Variants in SGCD observed in about 807,000 individuals in gnomAD.
SGCD encodes delta-sarcoglycan.
A neutral mutation model predicts 36.6 loss-of-function variants in SGCD; 18 were observed. The observed-to-expected ratio is 0.49, with a 90% CI of 0.34 to 0.73. SGCD has a LOEUF of 0.73. Among genes scored for constraint, SGCD ranks in the 30% least tolerant of loss-of-function variants. SGCD has a pLI of 0.01. For missense variants in SGCD, 387 were observed against 346.7 expected (o/e 1.12, Z -0.92); for synonymous variants, 133 against 130.6 (o/e 1.02, Z -0.12).
chr5:156,142,626 A>G (rs1488222542), intron 3 of SGCD, among the ~76,000 whole-genome samples: 1 of 152,228 alleles, frequency 6.6e-6, no homozygotes, highest in Non-Finnish European at 1.5e-5. Context: ...CACTTTTGCT[A>G]TGCATTAGTA....
chr5:156,411,012 A>C (rs542042513), intron 3 of SGCD, among the ~76,000 whole-genome samples: 244 of 152,346 alleles, frequency 1.6e-3, no homozygotes, highest in Non-Finnish European at 3.1e-3. Context: ...TATTGTATAA[A>C]TGCACGACTT....
intron 1 of SGCD, among the ~76,000 whole-genome samples, chr5:156,105,175 C>A (rs1761615508): frequency 1.3e-5 from 2 of 152,098 alleles, no homozygotes; most frequent in South Asian, 4.1e-4. Context: ...ATGTTAGTTG[C>A]CTCTCTTCCT....
At chr5:156,385,998 C>T (rs984890830) in intron 3 of SGCD, among the ~76,000 whole-genome samples, 2 of 152,208 alleles carry the variant, frequency 1.3e-5, no homozygotes, top group Non-Finnish European at 2.9e-5. Flanking sequence ...AGAGAGTGAA[C>T]TCTGAATCCT....
chr5:156,588,288 A>G (rs1760577925), intron 4 of SGCD, among the ~76,000 whole-genome samples: 1 of 152,122 alleles, frequency 6.6e-6, no homozygotes, highest in Non-Finnish European at 1.5e-5. Flanking sequence ...CAAAACACAA[A>G]AAGAATATCT....
intron 2 of SGCD, among the ~76,000 whole-genome samples, chr5:156,334,970 G>A (rs909343455): frequency 5.3e-5 from 8 of 152,226 alleles, no homozygotes; most frequent in East Asian, 1.9e-4. Context: ...GAGAAAACCC[G>A]GCCTGAGTTT....
chr5:156,712,437 A>G (rs1423858213), intron 7 of SGCD, among the ~76,000 whole-genome samples: 2 of 152,238 alleles, frequency 1.3e-5, no homozygotes, highest in African/African-American at 4.8e-5. Context: ...TATTCAAAAA[A>G]TTAAAGTTTA....
intron 3 of SGCD, among the ~76,000 whole-genome samples, chr5:156,235,446 A>C (rs1458315889): frequency 6.6e-6 from 1 of 152,218 alleles, no homozygotes; most frequent in East Asian, 1.9e-4. Flanking sequence ...ACTTGCCAAT[A>C]GCACAGGAAG....
At chr5:155,989,685 A>G (rs1032669733) in intron 1 of SGCD, among the ~76,000 whole-genome samples, 3 of 152,202 alleles carry the variant, frequency 2.0e-5, no homozygotes, top group Non-Finnish European at 2.9e-5. Context: ...TAAATAATAT[A>G]GCTTTCAATA....
intron 1 of SGCD, among the ~76,000 whole-genome samples, chr5:156,022,917 G>A (rs1204355724): frequency 1.3e-5 from 2 of 152,066 alleles, no homozygotes; most frequent in Admixed American, 6.6e-5. Context: ...GTGAAAATAC[G>A]GTACAAGGTG....
intron 3 of SGCD, among the ~76,000 whole-genome samples, chr5:156,451,560 C>T (rs1276630894): frequency 6.6e-6 from 1 of 152,118 alleles, no homozygotes; most frequent in East Asian, 1.9e-4. Flanking sequence ...AGATGATAGC[C>T]TTGAAATTGC....
chr5:155,862,883 A>T, the SGCD span, among the ~76,000 whole-genome samples: 2 of 152,196 alleles, frequency 1.3e-5, no homozygotes, highest in Non-Finnish European at 2.9e-5. Flanking sequence ...GGTTTCAGCC[A>T]TTTATTAAGG....
At chr5:156,109,657 G>A (rs180848511) in intron 1 of SGCD, among the ~76,000 whole-genome samples, 1 of 152,188 alleles carries the variant, frequency 6.6e-6, no homozygotes, top group East Asian at 1.9e-4. Flanking sequence ...GCCTGAAATG[G>A]TCTTAATCTC....
chr5:155,905,941 G>A (rs1188434229), intron 1 of SGCD, among the ~76,000 whole-genome samples: 4 of 152,004 alleles, frequency 2.6e-5, no homozygotes, highest in East Asian at 1.9e-4. Flanking sequence ...GCATGAAAAC[G>A]AACTAATACA....
intron 3 of SGCD, among the ~76,000 whole-genome samples, chr5:156,381,374 C>G (rs1449627341): frequency 6.6e-6 from 1 of 152,150 alleles, no homozygotes; most frequent in Non-Finnish European, 1.5e-5. Flanking sequence ...AGTTGGAATA[C>G]CATTTTTCAT....
At chr5:156,255,623 A>T (rs4560532) in intron 3 of SGCD, among the ~76,000 whole-genome samples, 1 of 152,026 alleles carries the variant, frequency 6.6e-6, no homozygotes, top group African/African-American at 2.4e-5. Context: ...TTCAGGTTTT[A>T]AAAATTGTTG....
intron 2 of SGCD, among the ~76,000 whole-genome samples, 156 bp downstream of exon 2, chr5:156,329,735 A>G (rs1400831614): frequency 6.6e-6 from 1 of 152,146 alleles, no homozygotes; most frequent in Admixed American, 6.5e-5. Context: ...AAAAATCTGC[A>G]GGCCAGGCAC....
intron 7 of SGCD, among the ~76,000 whole-genome samples, chr5:156,689,401 C>G (rs39926): frequency 6.6e-6 from 1 of 152,036 alleles, no homozygotes. Flanking sequence ...AGCCTTTATA[C>G]AAAAGGAAGC....
intron 3 of SGCD, among the ~76,000 whole-genome samples, chr5:156,444,064 TTCTCTCTCTC>T (rs535098783): frequency 0.024 from 820 of 34,474 alleles, 3 homozygotes; most frequent in Middle Eastern, 0.038. Flanking sequence ...CTTTCTCTCC[TTCTCTCTCTC>T]TCTCTCTCTC....
At chr5:156,047,814 A>T (rs1008817033) in intron 1 of SGCD, among the ~76,000 whole-genome samples, 1 of 151,722 alleles carries the variant, frequency 6.6e-6, no homozygotes, top group South Asian at 2.1e-4. Context: ...TTCAAGCCTT[A>T]TTTCTCTTTT....
Sources: gnomAD v4.1 joint callset for allele counts (sites outside exome capture counted in the v4.1 genomes callset) on GRCh38, gnomAD v4.1.1 for gene constraint, MANE v1.5 for transcripts, NCBI Gene and HGNC (gene_info 2026-07-23, HGNC 2026-07-21) for gene names.